RGS12: variants seen among roughly 807,000 people sequenced by gnomAD.
RGS12 encodes regulator of G protein signaling 12.
A neutral mutation model predicts 120.1 loss-of-function variants in RGS12; 66 were observed. The observed-to-expected ratio is 0.55, with a 90% CI of 0.45 to 0.67. RGS12 has a LOEUF of 0.67. Ranked by LOEUF, RGS12 falls within the 30% of genes least tolerant of loss-of-function variation. The probability of loss-of-function intolerance (pLI) is 0.00; values close to 1 mark genes in which losing one functional copy is unlikely to be tolerated. For synonymous variants in RGS12, 827 were observed against 804.7 expected, an observed-to-expected ratio of 1.03 and a Z score of -0.47; for missense variants, 1,859 against 1,957.7, an observed-to-expected ratio of 0.95 and a Z score of 0.95.
At chr4:3,355,919 A>G (rs1013663964) in intron 3 of RGS12, among the ~76,000 whole-genome samples, 11 of 152,052 alleles carry the variant, frequency 7.2e-5, no homozygotes, top group Admixed American at 6.6e-4. Context: ...ACAAAAATCA[A>G]TTGTATATAC....
intron 3 of RGS12, among the ~76,000 whole-genome samples, chr4:3,354,573 G>T (rs1408788154): frequency 6.6e-6 from 1 of 152,200 alleles, no homozygotes; most frequent in Non-Finnish European, 1.5e-5. Flanking sequence ...ACTGTTTCCT[G>T]CCACAGTGCA....
chr4:3,395,506 C>T (rs1355043962), intron 4 of RGS12, among the ~76,000 whole-genome samples: 2 of 152,186 alleles, frequency 1.3e-5, no homozygotes, highest in African/African-American at 2.4e-5. Flanking sequence ...ATATATTCAC[C>T]TATAGTAAAT....
chr4:3,363,917 C>T (rs1042578261), intron 3 of RGS12, among the ~76,000 whole-genome samples: 8 of 151,918 alleles, frequency 5.3e-5, no homozygotes, highest in East Asian at 3.9e-4. Flanking sequence ...AGGGCAGTGC[C>T]GGGATGGGGA....
At position 3,386,398 on chromosome 4, in the gene RGS12, C is replaced by G; in HGVS notation, c.1999-18C>G. Reference sequence around the variant, plus strand: ...CATGAGGCTTAATTAACTCATGTCTCTCTCTCTTTTCTTTCAGTCTGCAAC... The same window carrying G: ...CATGAGGCTTAATTAACTCATGTCTGTCTCTCTTTTCTTTCAGTCTGCAAC... On this transcript the variant is annotated intron_variant, in intron 3 of 17. Transcript: ENST00000336727. 6.2e-7 allele frequency: 1 copy of G among 1,611,078 alleles called. No individual in the cohort carries two copies. The highest frequency in any genetic ancestry group is 8.5e-7 in the Non-Finnish European group (1 of 1,177,260).
chr4:3,436,049 T>G (rs1724778262), intron 17 of RGS12, among the ~76,000 whole-genome samples: 1 of 152,116 alleles, frequency 6.6e-6, no homozygotes, highest in Non-Finnish European at 1.5e-5. Flanking sequence ...AGCAAATATT[T>G]GAGGAGCTCT....
chr4:3,343,098 A>T (rs1204792942), intron 3 of RGS12, 45 bp downstream of exon 3: 1 of 1,425,214 alleles, frequency 7.0e-7, no homozygotes, highest in Admixed American at 1.7e-5. Flanking sequence ...CAAGTTTTAA[A>T]AAATGCAAGT....
rs17797467 is a variant in RGS12, at chr4:3,390,588, G to A, written c.2020+4151G>A. On this transcript the variant is annotated intron_variant, in intron 4 of 17. Coordinates refer to ENST00000336727, the MANE Select transcript of RGS12 (RefSeq NM_001394154.1). The surrounding 1 kb of genome is among the most constrained non-coding windows in gnomAD (Gnocchi z 4.6). ...CCGCCGCCTCCTCCTGGGCTGCTCT[G>A]CGCGCCTGCCAGGCTCTTCCAGTGC... is the stretch of plus-strand genomic sequence containing the variant. Among the ~76,000 whole-genome samples, 17 of 152,126 alleles carry A rather than the reference G, an allele frequency of 1.1e-4. No individual in the cohort carries two copies. Among genetic ancestry groups the A allele is most frequent in the Non-Finnish European group, 2.2e-4 (15 of 67,994 alleles).
Position 3,317,398 on chromosome 4 carries a change from G to A in RGS12, c.1228G>A (p.Ala410Thr), listed in dbSNP as rs767834326. The A allele has an allele frequency of 3.8e-5, 61 of 1,614,052 alleles. 1 individual carries two copies. The South Asian group carries it at 5.6e-4, about 15-fold the overall frequency. ...GGCCCGCGCCTTTCTGGACGGGGACGCCGATGCCCACCAGAACAACAGCAC... is the reference window on the plus strand; with the variant it reads ...GGCCCGCGCCTTTCTGGACGGGGACACCGATGCCCACCAGAACAACAGCAC... ...MRARAFLDGD[A>T]DAHQNNSTSS... The change falls in exon 2 of 18, where the codon GCC (alanine) becomes ACC (threonine). Residue 410 changes from alanine (A) to threonine (T), a missense_variant. Transcript: ENST00000336727.
Position 3,306,488 on chromosome 4 carries a change from A to G in RGS12, c.-101-9582A>G, listed in dbSNP as rs184938714. Among the ~76,000 whole-genome samples the G allele has an allele frequency of 1.1e-4, 16 of 152,338 alleles. 1 individual carries two copies. The highest frequency in any genetic ancestry group is 3.6e-4 in the African/African-American group (15 of 41,578). ...CAGCCTTTCCACCCCTGTTTCATCT[A>G]AATTTCTTTAGCATAACTGGAGTTG... On this transcript the variant is annotated intron_variant, in intron 1 of 17. Coordinates refer to ENST00000336727, the MANE Select transcript of RGS12 (RefSeq NM_001394154.1).
chr4:3,374,057 G>A lies in RGS12; in HGVS notation c.1999-12359G>A, dbSNP rs1717353432. ...TCCTGAGGAGGAAGGCAGCGAGCCC[G>A]CTTGGCGAGGCCCTTGAGCACTCAG... On this transcript the variant is annotated intron_variant, in intron 3 of 17. Coordinates refer to ENST00000336727, the MANE Select transcript of RGS12 (RefSeq NM_001394154.1). This position sits in a 1 kb window ranked among gnomAD's most constrained non-coding sequence, Gnocchi z 6.3. Among the ~76,000 whole-genome samples the A allele has an allele frequency of 1.3e-5, 2 of 152,212 alleles. No homozygotes were observed. Among genetic ancestry groups the A allele is most frequent in the South Asian group, 2.1e-4 (1 of 4,832 alleles).
At chr4:3,329,202 G>A (rs1435321179) in intron 2 of RGS12, among the ~76,000 whole-genome samples, 3 of 152,184 alleles carry the variant, frequency 2.0e-5, no homozygotes, top group African/African-American at 7.2e-5. Context: ...GTGGGTGGGA[G>A]GAGCCTTCAC....
At chr4:3,420,590 C>T (rs1164486390) in intron 9 of RGS12, 52 bp from the exon 10 acceptor site, 1 of 1,581,624 alleles carries the variant, frequency 6.3e-7, no homozygotes, top group African/African-American at 1.3e-5. Flanking sequence ...GGAGATGTGA[C>T]CGAATAAACA....
chr4:3,375,316 TCATCTCCAGCCTCATCTC>T (rs1315312037), intron 3 of RGS12, among the ~76,000 whole-genome samples: 1 of 65,700 alleles, frequency 1.5e-5, no homozygotes, highest in Non-Finnish European at 2.9e-5. Context: ...TCTCCAGCCC[TCATCTCCAGCCTCATCTC>T]CAGCCCTCAT....
intron 1 of RGS12, among the ~76,000 whole-genome samples, chr4:3,309,320 CGG>C (rs1724164433): frequency 7.8e-6 from 1 of 128,414 alleles, no homozygotes; most frequent in Non-Finnish European, 1.6e-5. Context: ...TGAGGAGAAC[CGG>C]GTGGGAGAGG....
intron 14 of RGS12, among the ~76,000 whole-genome samples, chr4:3,427,864 GC>G (rs758821268): frequency 2.0e-5 from 3 of 152,216 alleles, no homozygotes; most frequent in Admixed American, 2.0e-4. Flanking sequence ...CACTCCTCCA[GC>G]AAGTCCCTAG....
At position 3,423,418 on chromosome 4, in the gene RGS12, AG is replaced by A. The variant is rs1254532465; in HGVS notation, c.3108-94del. The A allele has an allele frequency of 2.0e-6, 3 of 1,510,350 alleles. No homozygotes were observed. The Admixed American group carries it at 5.1e-5, about 26-fold the overall frequency. 93.6% of individuals were successfully genotyped at this position (1,510,350 alleles called of 1,614,324 possible). The stretch of plus-strand genomic sequence containing the variant: ...AACTGGGGGGCACACCGAGGCCTTG[AG>A]GGCGGCCTGGGGCTGTGCTGTAGTT... On this transcript the variant is annotated intron_variant, in intron 12 of 17. Coordinates refer to ENST00000336727, the MANE Select transcript of RGS12 (RefSeq NM_001394154.1).
At chr4:3,391,097 G>T (rs142100750) in intron 4 of RGS12, among the ~76,000 whole-genome samples, 6 of 152,308 alleles carry the variant, frequency 3.9e-5, no homozygotes, top group South Asian at 4.1e-4. Flanking sequence ...TTTGTAATGC[G>T]CTATTGTGGG....
intron 14 of RGS12, among the ~76,000 whole-genome samples, chr4:3,426,418 T>C (rs1166601663): frequency 6.6e-6 from 1 of 151,930 alleles, no homozygotes; most frequent in African/African-American, 2.4e-5. Context: ...GGTCCCTCCT[T>C]GGTGCCCTGA....
intron 11 of RGS12, 138 bp downstream of exon 11, chr4:3,422,708 A>G: frequency 1.8e-6 from 2 of 1,106,724 alleles, no homozygotes; most frequent in Non-Finnish European, 2.6e-6. Flanking sequence ...AGGCCGGATT[A>G]TCTGAACTGA....
Sources: allele counts gnomAD v4.1 joint callset (sites outside exome capture counted in the v4.1 genomes callset), GRCh38; gene constraint gnomAD v4.1.1; non-coding constraint Gnocchi (gnomAD v3.1); transcripts MANE v1.5; gene names NCBI Gene and HGNC (gene_info 2026-07-23, HGNC 2026-07-21).